COL24A1: variants seen among roughly 807,000 people sequenced by gnomAD.
COL24A1 encodes collagen alpha-1(XXIV) chain.
Under a neutral mutation model 253.9 loss-of-function variants are expected in COL24A1, and 224 were observed. The observed-to-expected ratio is 0.88, with a 90% confidence interval of 0.79 to 0.99. COL24A1 has a LOEUF of 0.99. Ranked by LOEUF, COL24A1 falls within the 50% of genes least tolerant of loss-of-function variation. The pLI is 0.00. For missense variants in COL24A1, 2,131 were observed against 2,068.5 expected, an observed-to-expected ratio of 1.03 and a Z score of -0.59; for synonymous variants, 685 against 673.7, an observed-to-expected ratio of 1.02 and a Z score of -0.26.
chr1:85,861,722 ATTCGT>A (rs1679171734), intron 37 of COL24A1, among the ~76,000 whole-genome samples: 1 of 151,964 alleles, frequency 6.6e-6, no homozygotes, highest in African/African-American at 2.4e-5. Context: ...TTTTCCTGTA[ATTCGT>A]TTCATTTCTT....
chr1:85,962,926 T>C (rs1691209954), intron 23 of COL24A1, among the ~76,000 whole-genome samples: 1 of 152,034 alleles, frequency 6.6e-6, no homozygotes, highest in Admixed American at 6.6e-5. Context: ...GATGTAAGTA[T>C]AAAAAATACA....
chr1:86,090,425 C>G (rs1333176733), intron 6 of COL24A1, among the ~76,000 whole-genome samples: 1 of 152,130 alleles, frequency 6.6e-6, no homozygotes, highest in Non-Finnish European at 1.5e-5. Flanking sequence ...GGGCTTAAAA[C>G]CTTGTGTATG....
At position 85,997,616 on chromosome 1, in the gene COL24A1, C is replaced by G. The variant is rs183422012; in HGVS notation, c.2311-9962G>C. On this transcript the variant is annotated intron_variant, in intron 19 of 59. Coordinates refer to ENST00000370571, the MANE Select transcript of COL24A1 (RefSeq NM_152890.7). ...TGGCCAACATGGTGAAACCTCATCT[C>G]TACTAAAAATACAAAAATTAGCTGG... Among the ~76,000 whole-genome samples, 719 of 152,156 alleles carry G rather than the reference C, an allele frequency of 4.7e-3. 2 individuals carry two copies. Among genetic ancestry groups the G allele is most frequent in the African/African-American group, 0.016 (669 of 41,518 alleles).
intron 45 of COL24A1, among the ~76,000 whole-genome samples, chr1:85,822,878 G>GT (rs1673806046): frequency 1.3e-5 from 2 of 152,134 alleles, no homozygotes; most frequent in African/African-American, 4.8e-5. Context: ...CACAGTTGAT[G>GT]TCTGGTCACC....
intron 20 of COL24A1, among the ~76,000 whole-genome samples, chr1:85,979,226 T>C (rs1263300350): frequency 6.6e-6 from 1 of 152,006 alleles, no homozygotes; most frequent in Non-Finnish European, 1.5e-5. Context: ...TAAATGCCTA[T>C]ATCAAAAAGT....
chr1:85,791,612 T>G (rs1670283021), intron 47 of COL24A1, among the ~76,000 whole-genome samples: 1 of 152,154 alleles, frequency 6.6e-6, no homozygotes, highest in South Asian at 2.1e-4. Context: ...AATGACATGC[T>G]AAAAGGCAAA....
intron 20 of COL24A1, among the ~76,000 whole-genome samples, chr1:85,985,456 G>A (rs1693645752): frequency 6.6e-6 from 1 of 151,740 alleles, no homozygotes; most frequent in East Asian, 1.9e-4. Context: ...AAAAGTACAA[G>A]CCTTAACATG....
At chr1:86,007,417 C>T (rs141413761) in intron 19 of COL24A1, among the ~76,000 whole-genome samples, 3 of 152,254 alleles carry the variant, frequency 2.0e-5, no homozygotes, top group African/African-American at 7.2e-5. Context: ...GAGTTTATTA[C>T]AAAACTAAAC....
chr1:85,885,546 C>T (rs1202251356), intron 32 of COL24A1, among the ~76,000 whole-genome samples: 1 of 151,786 alleles, frequency 6.6e-6, no homozygotes, highest in Non-Finnish European at 1.5e-5. Flanking sequence ...TATTGTCAAC[C>T]TAAATGACAA....
At chr1:85,858,761 C>T (rs533334683) in intron 37 of COL24A1, among the ~76,000 whole-genome samples, 8 of 150,646 alleles carry the variant, frequency 5.3e-5, no homozygotes, top group Middle Eastern at 3.4e-3. Flanking sequence ...CTTTTCTTTT[C>T]GGACGGTCTT....
chr1:86,115,473 T>C, intron 3 of COL24A1, 95 bp from the exon 4 acceptor site: 5 of 1,173,416 alleles, frequency 4.3e-6, no homozygotes, highest in Non-Finnish European at 6.2e-6. Context: ...ACAACTCTTT[T>C]TCAGTCCCCA....
At chr1:85,808,222 A>G (rs979554792) in intron 47 of COL24A1, among the ~76,000 whole-genome samples, 1 of 152,246 alleles carries the variant, frequency 6.6e-6, no homozygotes, top group African/African-American at 2.4e-5. Context: ...ATTGCCATAA[A>G]GGCCTGAAAG....
chr1:86,025,375 A>G (rs1015401367), intron 14 of COL24A1, among the ~76,000 whole-genome samples: 4 of 152,170 alleles, frequency 2.6e-5, no homozygotes, highest in African/African-American at 9.7e-5. Flanking sequence ...AGAGACCCAG[A>G]GGATAAGTTA....
rs958595620 is a variant in COL24A1 at position 86,052,465 on chromosome 1, T to G, written c.1852-2288A>C. 3.3e-5 allele frequency among the ~76,000 whole-genome samples: 5 copies of G among 152,126 alleles called. No homozygotes were observed. In the East Asian group the frequency reaches 9.6e-4, roughly 29 times the overall value. On this transcript the variant is annotated intron_variant, in intron 10 of 59. Coordinates refer to ENST00000370571, the MANE Select transcript of COL24A1 (RefSeq NM_152890.7). ...GGACCTTAAAGACAATTACGCTAAG[T>G]GCAGTAAGCCAGTCACAAAAGGACA...
chr1:86,132,163 ATTTT>A (rs1649339738), intron 2 of COL24A1, among the ~76,000 whole-genome samples: 1 of 151,946 alleles, frequency 6.6e-6, no homozygotes, highest in Non-Finnish European at 1.5e-5. Flanking sequence ...TAAATGTCTT[ATTTT>A]GAGAAGTGTC....
intron 43 of COL24A1, 57 bp from the exon 44 acceptor site, chr1:85,823,795 A>ATAGG (rs1332918347): frequency 6.9e-7 from 1 of 1,445,202 alleles, no homozygotes; most frequent in African/African-American, 1.4e-5. Context: ...ACTTAAGAGA[A>ATAGG]TAGGATACTA....
At chr1:86,097,117 A>C (rs1703947289) in intron 5 of COL24A1, among the ~76,000 whole-genome samples, 1 of 151,730 alleles carries the variant, frequency 6.6e-6, no homozygotes, top group Non-Finnish European at 1.5e-5. Flanking sequence ...TTTCCATTAC[A>C]GTAAACATAC....
At chr1:85,996,189 T>C (rs1462833797) in intron 19 of COL24A1, among the ~76,000 whole-genome samples, 1 of 152,294 alleles carries the variant, frequency 6.6e-6, no homozygotes, top group East Asian at 1.9e-4. Context: ...CAGTTGGTAA[T>C]AATTCGAAGA....
chr1:85,777,454 A>G lies in COL24A1; in HGVS notation c.4339-1745T>C, dbSNP rs181308534. ...TACTCTTCTATGCATCGCACTTAAC[A>G]ATACATCATGAAATAACTGAGTCAG... On this transcript the variant is annotated intron_variant, in intron 52 of 59. Coordinates refer to ENST00000370571, the MANE Select transcript of COL24A1 (RefSeq NM_152890.7). 1.4e-4 allele frequency among the ~76,000 whole-genome samples: 21 copies of G among 152,266 alleles called. No individual in the cohort carries two copies. The East Asian group carries it at 3.3e-3, about 24-fold the overall frequency.
Sources: gnomAD v4.1 joint callset for allele counts (sites outside exome capture counted in the v4.1 genomes callset) on GRCh38, gnomAD v4.1.1 for gene constraint, MANE v1.5 for transcripts, NCBI Gene and HGNC (gene_info 2026-07-23, HGNC 2026-07-21) for gene names.